The following PGGT1B variants were observed in gnomAD, a reference collection of about 807,000 sequenced individuals.
PGGT1B encodes protein geranylgeranyltransferase type I subunit beta, also known as geranylgeranyl transferase type-1 subunit beta.
Under a neutral mutation model 46.1 loss-of-function variants are expected in PGGT1B, and 30 were observed. That is an observed-to-expected ratio of 0.65 (90% CI 0.49 to 0.88). PGGT1B has a LOEUF of 0.88. Among genes scored for constraint, PGGT1B ranks in the 40% least tolerant of loss-of-function variants. The pLI is 0.00. For missense variants in PGGT1B, 376 were observed against 455.9 expected (o/e 0.82, Z 1.60); for synonymous variants, 170 against 160.0 (o/e 1.06, Z -0.47).
intron 8 of PGGT1B, among the ~76,000 whole-genome samples, chr5:115,214,304 A>T (rs1472164651): frequency 7.8e-6 from 1 of 128,248 alleles, no homozygotes; most frequent in African/African-American, 2.7e-5. Context: ...TTGTGTTTTT[A>T]AAAAAACTCC....
In PGGT1B at chr5:115,211,577, G is replaced by A. The variant is rs1756223269; in HGVS notation, c.*825C>T. 1 of 57,560 alleles carries A rather than the reference G, an allele frequency of 1.7e-5. No homozygotes were observed. The allele number at this position is 57,560 out of a possible 1,614,324, so 3.6% of individuals were successfully genotyped here. A position where few individuals can be genotyped will look rare whatever the true frequency, so the allele number is the denominator to read the frequency against. On this transcript the variant is annotated 3_prime_UTR_variant, in exon 9 of 9. Coordinates refer to ENST00000419445, the MANE Select transcript of PGGT1B (RefSeq NM_005023.4). The stretch of plus-strand genomic sequence containing the variant: ...AGTATCTTTCCTTCTAGATAAAAAA[G>A]ATTGTTTTCTTCCTAGAAAGCAAAA...
rs17132480 is a variant in PGGT1B at position 115,210,419 on chromosome 5, G to A, written c.*1983C>T. ...ATAGTTTCTCCACAATTCACACTGG[G>A]CTGCTATTTTCTGGTCAATTCAGTT... On this transcript the variant is annotated 3_prime_UTR_variant, in exon 9 of 9. Transcript: ENST00000419445. The A allele has an allele frequency of 6.6e-6, 1 of 152,010 alleles. No individual in the cohort carries two copies. Among genetic ancestry groups the A allele is most frequent in the Admixed American group, 6.6e-5 (1 of 15,256 alleles). The allele number at this position is 152,010 out of a possible 1,614,324, so 9.4% of individuals were successfully genotyped here.
intron 7 of PGGT1B, among the ~76,000 whole-genome samples, chr5:115,218,632 T>A (rs948318214): frequency 4.0e-5 from 6 of 151,274 alleles, no homozygotes; most frequent in African/African-American, 1.5e-4. Flanking sequence ...CTGTACAAAG[T>A]ATATCTCAGG....
chr5:115,218,931 A>G (rs1025757888), intron 7 of PGGT1B, among the ~76,000 whole-genome samples: 8 of 151,906 alleles, frequency 5.3e-5, no homozygotes, highest in Non-Finnish European at 8.8e-5. Context: ...AAACTACAAA[A>G]CATTGCTGAA....
intron 5 of PGGT1B, among the ~76,000 whole-genome samples, chr5:115,233,144 G>T (rs949351184): frequency 6.6e-6 from 1 of 151,936 alleles, no homozygotes; most frequent in Non-Finnish European, 1.5e-5. Context: ...CTAAGTATAT[G>T]AAAATCTGCC....
chr5:115,260,753 T>C (rs1320979709), intron 1 of PGGT1B, among the ~76,000 whole-genome samples: 1 of 152,162 alleles, frequency 6.6e-6, no homozygotes, highest in Non-Finnish European at 1.5e-5. Flanking sequence ...GCTTAACCAA[T>C]GCACCAAGGT....
At chr5:115,259,617 A>G (rs1231418968) in intron 1 of PGGT1B, among the ~76,000 whole-genome samples, 1 of 136,080 alleles carries the variant, frequency 7.3e-6, no homozygotes, top group Non-Finnish European at 1.5e-5. Context: ...TGAACCCAGG[A>G]GGCGGAGGCT....
chr5:115,216,389 C>T (rs961685378), intron 8 of PGGT1B, among the ~76,000 whole-genome samples: 1 of 152,186 alleles, frequency 6.6e-6, no homozygotes, highest in Non-Finnish European at 1.5e-5. Flanking sequence ...ATCCACCTGC[C>T]TTGACCTCCC....
rs1404460848 is a variant in PGGT1B at position 115,207,317 on chromosome 5, C to T, written c.*5085G>A. ...AATATTCATAAGGTGAATGCACCTA[C>T]GTAACCAGCACCTAGATCATGAAAC... On this transcript the variant is annotated 3_prime_UTR_variant, in exon 9 of 9. Coordinates refer to ENST00000419445, the MANE Select transcript of PGGT1B (RefSeq NM_005023.4). The T allele has an allele frequency of 1.3e-5, 2 of 151,234 alleles. No homozygotes were observed. Among genetic ancestry groups the T allele is most frequent in the East Asian group, 1.9e-4 (1 of 5,154 alleles). The allele number at this position is 151,234 out of a possible 1,614,324, so 9.4% of individuals were successfully genotyped here.
chr5:115,216,768 C>A, intron 8 of PGGT1B, 97 bp downstream of exon 8: 1 of 705,150 alleles, frequency 1.4e-6, no homozygotes, highest in Non-Finnish European at 2.5e-6. Context: ...AACTTTGCAA[C>A]TGGATATATT....
chr5:115,219,723 T>C (rs1756529758), intron 7 of PGGT1B, among the ~76,000 whole-genome samples: 1 of 151,944 alleles, frequency 6.6e-6, no homozygotes, highest in Admixed American at 6.6e-5. Context: ...CCAGAATATA[T>C]GAACTCCCAC....
At chr5:115,224,579 G>A (rs1756701861) in intron 6 of PGGT1B, among the ~76,000 whole-genome samples, 2 of 152,102 alleles carry the variant, frequency 1.3e-5, no homozygotes, top group South Asian at 4.1e-4. Context: ...ATAAAAACTA[G>A]TATGTTAGGC....
intron 1 of PGGT1B, among the ~76,000 whole-genome samples, chr5:115,258,794 G>A (rs978661370): frequency 6.6e-6 from 1 of 152,190 alleles, no homozygotes; most frequent in African/African-American, 2.4e-5. Context: ...CTAGTCAGGG[G>A]ATTAGCCATA....
chr5:115,223,565 C>A (rs906472883), intron 6 of PGGT1B, among the ~76,000 whole-genome samples: 5 of 152,184 alleles, frequency 3.3e-5, no homozygotes, highest in African/African-American at 9.6e-5. Context: ...ACACTGTTGG[C>A]GAAAGGAGCC....
At chr5:115,252,151 T>C (rs1008173529) in intron 2 of PGGT1B, among the ~76,000 whole-genome samples, 4 of 152,100 alleles carry the variant, frequency 2.6e-5, no homozygotes, top group African/African-American at 7.2e-5. Context: ...AACTTATACA[T>C]GCTTTCATTG....
intron 1 of PGGT1B, 85 bp downstream of exon 1, chr5:115,262,627 C>T: frequency 6.8e-7 from 1 of 1,462,756 alleles, no homozygotes; most frequent in Admixed American, 2.0e-5. Context: ...CCCCTTCCGG[C>T]GCCCAGTTTG....
intron 7 of PGGT1B, 35 bp from the exon 8 acceptor site, chr5:115,217,008 TAA>T (rs1167516640): frequency 1.1e-6 from 1 of 902,672 alleles, no homozygotes; most frequent in Non-Finnish European, 1.8e-6. Flanking sequence ...TTTACTGACA[TAA>T]AACTCATATC....
At chr5:115,242,139 A>C (rs1757366043) in intron 2 of PGGT1B, among the ~76,000 whole-genome samples, 2 of 152,222 alleles carry the variant, frequency 1.3e-5, no homozygotes, top group African/African-American at 2.4e-5. Context: ...CTTCGTTCTG[A>C]GTCCAGTAAT....
chr5:115,251,906 C>A (rs1454661583), intron 2 of PGGT1B, among the ~76,000 whole-genome samples: 1 of 151,738 alleles, frequency 6.6e-6, no homozygotes, highest in Non-Finnish European at 1.5e-5. Context: ...TAAAAAATCC[C>A]AGACTTTCAC....
Sources: gnomAD v4.1 joint callset for allele counts (sites outside exome capture counted in the v4.1 genomes callset) on GRCh38, gnomAD v4.1.1 for gene constraint, MANE v1.5 for transcripts, NCBI Gene and HGNC (gene_info 2026-07-23, HGNC 2026-07-21) for gene names.